The following GRIK2 variants were observed in gnomAD, a reference collection of about 807,000 sequenced individuals.
The protein encoded by GRIK2 is glutamate receptor ionotropic, kainate 2.
A neutral mutation model predicts 100.3 loss-of-function variants in GRIK2; 32 were observed. The observed-to-expected ratio is 0.32, with a 90% CI of 0.24 to 0.43. The LOEUF (loss-of-function observed/expected upper bound fraction) is 0.43, where lower values mean the gene tolerates loss of function less well. GRIK2 is among the 20% of genes least tolerant of loss of function. The pLI is 1.00. For missense variants in GRIK2, 843 were observed against 1,114.9 expected (o/e 0.76, Z 3.47); for synonymous variants, 417 against 389.4 (o/e 1.07, Z -0.83).
chr6:101,908,581 G>A (rs940353267), intron 12 of GRIK2, among the ~76,000 whole-genome samples: 3 of 150,728 alleles, frequency 2.0e-5, no homozygotes, highest in Non-Finnish European at 3.0e-5. Context: ...AAAGATCCAG[G>A]GAAGAGGAAG....
At chr6:101,720,312 T>C (rs1774391735) in intron 7 of GRIK2, among the ~76,000 whole-genome samples, 1 of 152,042 alleles carries the variant, frequency 6.6e-6, no homozygotes, top group African/African-American at 2.4e-5. Flanking sequence ...ATTTAAAACA[T>C]TTTCCCATTA....
chr6:101,749,862 G>A (rs1380736218), intron 7 of GRIK2, among the ~76,000 whole-genome samples: 1 of 145,730 alleles, frequency 6.9e-6, no homozygotes, highest in African/African-American at 2.6e-5. Context: ...GCCCAGGCTG[G>A]AGTTCAGTGG....
At chr6:101,432,119 C>T (rs1322571300) in intron 2 of GRIK2, among the ~76,000 whole-genome samples, 1 of 152,178 alleles carries the variant, frequency 6.6e-6, no homozygotes, top group Admixed American at 6.5e-5. Context: ...CTGCTCCCTG[C>T]AGATACCCCA....
At chr6:101,994,688 C>T (rs1261166538) in intron 14 of GRIK2, among the ~76,000 whole-genome samples, 1 of 151,838 alleles carries the variant, frequency 6.6e-6, no homozygotes, top group African/African-American at 2.4e-5. Flanking sequence ...GGATTCCTGA[C>T]CATCTGTGCT....
At chr6:101,984,433 C>T (rs1391256699) in intron 14 of GRIK2, among the ~76,000 whole-genome samples, 1 of 151,560 alleles carries the variant, frequency 6.6e-6, no homozygotes, top group East Asian at 1.9e-4. Context: ...TCTTTATTAG[C>T]ATCCCCGTTG....
chr6:102,016,460 C>T (rs1294788324), intron 14 of GRIK2, among the ~76,000 whole-genome samples: 1 of 151,142 alleles, frequency 6.6e-6, no homozygotes, highest in Non-Finnish European at 1.5e-5. Context: ...AAGAATGAAC[C>T]ATGTCACATG....
At chr6:101,413,473 T>C (rs1775974232) in intron 2 of GRIK2, among the ~76,000 whole-genome samples, 5 of 152,164 alleles carry the variant, frequency 3.3e-5, no homozygotes, top group Admixed American at 3.3e-4. Flanking sequence ...TCTTGTCTGG[T>C]TTTTTAATTA....
At chr6:101,804,921 A>G (rs1780895104) in intron 9 of GRIK2, among the ~76,000 whole-genome samples, 1 of 151,982 alleles carries the variant, frequency 6.6e-6, no homozygotes, top group East Asian at 1.9e-4. Flanking sequence ...AAGTAGCAAA[A>G]AGTCCTCATT....
chr6:101,865,444 G>C (rs550037643), intron 11 of GRIK2, among the ~76,000 whole-genome samples: 2 of 152,102 alleles, frequency 1.3e-5, no homozygotes, highest in African/African-American at 4.8e-5. Flanking sequence ...ACTTAAAAAG[G>C]CTCCAGGTAT....
At chr6:101,501,388 C>G (rs992563416) in intron 2 of GRIK2, among the ~76,000 whole-genome samples, 1 of 152,130 alleles carries the variant, frequency 6.6e-6, no homozygotes, top group Non-Finnish European at 1.5e-5. Context: ...ATTGTATGAA[C>G]TTTGAAATCA....
At chr6:101,543,129 G>T (rs1460738334) in intron 2 of GRIK2, among the ~76,000 whole-genome samples, 4 of 152,154 alleles carry the variant, frequency 2.6e-5, no homozygotes, top group Admixed American at 1.3e-4. Flanking sequence ...CCCAGAAAAT[G>T]ATGGATGTCC....
chr6:101,981,893 GA>G, intron 14 of GRIK2, among the ~76,000 whole-genome samples: 1 of 152,012 alleles, frequency 6.6e-6, no homozygotes, highest in East Asian at 1.9e-4. Context: ...TTGAGCAGAT[GA>G]AAGATAGAAG....
intron 7 of GRIK2, among the ~76,000 whole-genome samples, chr6:101,795,693 C>T (rs1195649501): frequency 1.3e-5 from 2 of 152,176 alleles, no homozygotes; most frequent in Non-Finnish European, 2.9e-5. Flanking sequence ...TGGACCAGCC[C>T]TCAGGAGAAG....
chr6:101,999,102 A>AT, intron 14 of GRIK2, among the ~76,000 whole-genome samples: 1 of 151,640 alleles, frequency 6.6e-6, no homozygotes, highest in South Asian at 2.1e-4. Context: ...AATCTGCTGC[A>AT]TTTTTCTATA....
At chr6:101,521,909 G>C (rs576309652) in intron 2 of GRIK2, among the ~76,000 whole-genome samples, 1 of 151,912 alleles carries the variant, frequency 6.6e-6, no homozygotes, top group Non-Finnish European at 1.5e-5. Flanking sequence ...TTTGGATTTA[G>C]TTTATTATCT....
At chr6:101,729,360 G>T (rs892826640) in intron 7 of GRIK2, among the ~76,000 whole-genome samples, 2 of 151,838 alleles carry the variant, frequency 1.3e-5, no homozygotes, top group Admixed American at 6.6e-5. Context: ...ACACATAGAT[G>T]CACACATGCA....
chr6:101,893,509 A>T (rs1484188021), intron 12 of GRIK2, among the ~76,000 whole-genome samples: 2 of 151,794 alleles, frequency 1.3e-5, no homozygotes, highest in Admixed American at 6.6e-5. Context: ...TCTCAACATT[A>T]TTAATTTTAC....
chr6:101,564,585 C>A (rs757781625), intron 2 of GRIK2, among the ~76,000 whole-genome samples: 56 of 152,046 alleles, frequency 3.7e-4, no homozygotes, highest in Non-Finnish European at 7.1e-4. Context: ...TGTCTACTTG[C>A]CTTGGAGAGT....
intron 2 of GRIK2, among the ~76,000 whole-genome samples, chr6:101,536,860 A>T (rs183437415): frequency 1.2e-4 from 18 of 151,872 alleles, no homozygotes; most frequent in African/African-American, 4.3e-4. Flanking sequence ...AGTTTTAATC[A>T]ATGTCCCATT....
Sources: gnomAD v4.1 joint callset for allele counts (sites outside exome capture counted in the v4.1 genomes callset) on GRCh38, gnomAD v4.1.1 for gene constraint, MANE v1.5 for transcripts, NCBI Gene and HGNC (gene_info 2026-07-23, HGNC 2026-07-21) for gene names.